HMGB1: variants seen among roughly 807,000 people sequenced by gnomAD.
HMGB1 encodes the protein high mobility group box 1.
For synonymous variants in HMGB1, 81 were observed against 84.0 expected, an observed-to-expected ratio of 0.96 and a Z score of 0.19; for missense variants, 79 against 253.5, an observed-to-expected ratio of 0.31 and a Z score of 4.67.
At chr13:30,604,255 A>C (rs574770097) in intron 1 of HMGB1, among the ~76,000 whole-genome samples, 2 of 152,142 alleles carry the variant, frequency 1.3e-5, no homozygotes, top group African/African-American at 4.8e-5. Context: ...GTTGTGAAGA[A>C]AAGACAAGAC....
At chr13:30,474,899 G>C (rs556932152) in intron 1 of HMGB1, among the ~76,000 whole-genome samples, 3 of 145,890 alleles carry the variant, frequency 2.1e-5, no homozygotes, top group Admixed American at 6.8e-5. Flanking sequence ...GCCTAGGCTG[G>C]AGTGCAATGG....
At chr13:30,527,160 C>T (rs990411717) in intron 1 of HMGB1, among the ~76,000 whole-genome samples, 4 of 152,276 alleles carry the variant, frequency 2.6e-5, no homozygotes, top group Middle Eastern at 3.4e-3. Context: ...TCCAGGGAGG[C>T]GGGCGAGAAA....
intron 1 of HMGB1, among the ~76,000 whole-genome samples, chr13:30,544,794 T>C (rs1342580951): frequency 6.6e-6 from 1 of 152,216 alleles, no homozygotes; most frequent in Non-Finnish European, 1.5e-5. Flanking sequence ...TTGTAGCTGG[T>C]GGGTCAGAAG....
chr13:30,605,833 C>G (rs1474912499), intron 1 of HMGB1, among the ~76,000 whole-genome samples: 3 of 152,114 alleles, frequency 2.0e-5, no homozygotes, highest in Non-Finnish European at 4.4e-5. Flanking sequence ...ACCACAGATT[C>G]AACATTTAAT....
chr13:30,464,699 T>C, intron 1 of HMGB1: 1 of 846,436 alleles, frequency 1.2e-6, no homozygotes, highest in Non-Finnish European at 1.4e-6. Context: ...GCTGCGCGTC[T>C]TCTCCGCCTG....
chr13:30,525,762 A>G (rs1418816387), intron 1 of HMGB1, among the ~76,000 whole-genome samples: 2 of 151,958 alleles, frequency 1.3e-5, no homozygotes, highest in African/African-American at 2.4e-5. Context: ...ACTCGCTACC[A>G]TAAGAACAGC....
chr13:30,591,887 GA>G (rs1295215342), intron 1 of HMGB1, among the ~76,000 whole-genome samples: 1 of 152,058 alleles, frequency 6.6e-6, no homozygotes, highest in Admixed American at 6.6e-5. Flanking sequence ...ATCAGATTCA[GA>G]GGTTCTCTTA....
intron 1 of HMGB1, among the ~76,000 whole-genome samples, chr13:30,558,988 G>A (rs545069769): frequency 2.0e-5 from 3 of 152,300 alleles, no homozygotes; most frequent in South Asian, 4.1e-4. Context: ...ACCCTGGCTC[G>A]TGACTCACAG....
chr13:30,531,819 C>T (rs1888503113), intron 1 of HMGB1, among the ~76,000 whole-genome samples: 1 of 151,600 alleles, frequency 6.6e-6, no homozygotes, highest in East Asian at 1.9e-4. Context: ...ATGGCTTGAA[C>T]CCAGGAGGTG....
chr13:30,594,096 G>T (rs1370960478), intron 1 of HMGB1, among the ~76,000 whole-genome samples: 1 of 152,092 alleles, frequency 6.6e-6, no homozygotes, highest in Non-Finnish European at 1.5e-5. Context: ...AAAAATGTGT[G>T]TATATTCATT....
At chr13:30,609,661 G>A (rs1950495596) in intron 1 of HMGB1, among the ~76,000 whole-genome samples, 1 of 152,144 alleles carries the variant, frequency 6.6e-6, no homozygotes, top group Admixed American at 6.5e-5. Context: ...GTTCTTTAGT[G>A]GTGATTTCTG....
At chr13:30,568,655 G>A (rs1267439040) in intron 1 of HMGB1, among the ~76,000 whole-genome samples, 1 of 152,058 alleles carries the variant, frequency 6.6e-6, no homozygotes, top group Admixed American at 6.5e-5. Context: ...CAGAGGGGAG[G>A]GCCTTGTGAA....
intron 1 of HMGB1, among the ~76,000 whole-genome samples, chr13:30,516,612 G>A (rs1888107487): frequency 6.6e-6 from 1 of 152,088 alleles, no homozygotes; most frequent in Non-Finnish European, 1.5e-5. Context: ...CGATGTTAAG[G>A]AGGAGGTAGA....
At chr13:30,606,150 T>C (rs968356561) in intron 1 of HMGB1, among the ~76,000 whole-genome samples, 2 of 152,216 alleles carry the variant, frequency 1.3e-5, no homozygotes, top group Admixed American at 1.3e-4. Context: ...TAGAATAAAT[T>C]TGACTGATTA....
chr13:30,463,215 C>T lies in HMGB1; in HGVS notation c.288G>A (p.Lys96=). 6.2e-7 allele frequency: 1 copy of T among 1,602,504 alleles called. No homozygotes were observed. Among genetic ancestry groups the T allele is most frequent in the Non-Finnish European group, 8.5e-7 (1 of 1,177,894 alleles). ...ACAGGCAAGATACTCACGGAGGCCT[C>T]TTGGGTGCATTGGGATCCTTGAACT... ...KKKFKDPNAP[K]RPPSAFFLFC... Residue 96 remains lysine (K), a synonymous_variant, in exon 3 of 5, where the codon AAG becomes AAA. Transcript: ENST00000341423.
At chr13:30,463,109 G>T in intron 3 of HMGB1, 98 bp downstream of exon 3, 1 of 1,186,196 alleles carries the variant, frequency 8.4e-7, no homozygotes, top group Non-Finnish European at 1.2e-6. Context: ...AACTTTGATT[G>T]TACATTTACA....
At chr13:30,560,197 G>C (rs560406226) in intron 1 of HMGB1, among the ~76,000 whole-genome samples, 1 of 152,120 alleles carries the variant, frequency 6.6e-6, no homozygotes, top group Non-Finnish European at 1.5e-5. Context: ...AGGCTGCAAG[G>C]GAAAAAGCTA....
At chr13:30,585,046 G>A (rs1314216007) in intron 1 of HMGB1, among the ~76,000 whole-genome samples, 1 of 152,100 alleles carries the variant, frequency 6.6e-6, no homozygotes, top group African/African-American at 2.4e-5. Flanking sequence ...TACTCAGGAG[G>A]CTGAGAGGTG....
chr13:30,606,798 C>CAA (rs1295324869), intron 1 of HMGB1, among the ~76,000 whole-genome samples: 1 of 152,130 alleles, frequency 6.6e-6, no homozygotes, highest in African/African-American at 2.4e-5. Flanking sequence ...GTTAGAATTC[C>CAA]AAAGAATGTT....
Sources: allele counts gnomAD v4.1 joint callset (sites outside exome capture counted in the v4.1 genomes callset), GRCh38; gene constraint gnomAD v4.1.1; transcripts MANE v1.5; gene names NCBI Gene and HGNC (gene_info 2026-07-23, HGNC 2026-07-21).